TENM2: variants seen among roughly 807,000 people sequenced by gnomAD.
The protein encoded by TENM2 is teneurin transmembrane protein 2, also known as teneurin-2.
TENM2 carries 52 observed loss-of-function variants against 245.2 expected under a neutral mutation model. The observed-to-expected ratio is 0.21, with a 90% confidence interval of 0.17 to 0.27. The LOEUF (loss-of-function observed/expected upper bound fraction) is 0.27. TENM2 is among the 10% of genes least tolerant of loss of function. The probability of loss-of-function intolerance (pLI) is 1.00; values close to 1 mark genes in which losing one functional copy is unlikely to be tolerated. For missense variants in TENM2, 3,046 were observed against 3,666.8 expected (o/e 0.83, Z 4.37); for synonymous variants, 1,363 against 1,438.9 (o/e 0.95, Z 1.19).
At chr5:167,208,055 A>G in the TENM2 span, among the ~76,000 whole-genome samples, 8 of 152,186 alleles carry the variant, frequency 5.3e-5, no homozygotes, top group Admixed American at 5.2e-4. Context: ...CACCCGGCCT[A>G]CTGAGGTATA....
At chr5:168,080,037 T>C (rs1791839453) in intron 7 of TENM2, among the ~76,000 whole-genome samples, 1 of 152,240 alleles carries the variant, frequency 6.6e-6, no homozygotes, top group African/African-American at 2.4e-5. Flanking sequence ...CTGTTAGAAT[T>C]TGGCTGTGAA....
chr5:167,606,630 G>A (rs749501339), intron 2 of TENM2, among the ~76,000 whole-genome samples: 24 of 151,984 alleles, frequency 1.6e-4, no homozygotes, highest in Non-Finnish European at 2.9e-4. Context: ...TCCCAACCCC[G>A]ACTACACATT....
the TENM2 span, among the ~76,000 whole-genome samples, chr5:167,154,510 C>T: frequency 1.3e-5 from 2 of 152,108 alleles, no homozygotes; most frequent in Non-Finnish European, 2.9e-5. Context: ...AATGAAACAT[C>T]GTTGGGACAT....
At chr5:168,024,677 A>C (rs1786452233) in intron 5 of TENM2, among the ~76,000 whole-genome samples, 1 of 152,222 alleles carries the variant, frequency 6.6e-6, no homozygotes, top group African/African-American at 2.4e-5. Context: ...AGAAAAAAAT[A>C]GTTGATGCTA....
chr5:168,062,347 C>G, intron 7 of TENM2, 82 bp downstream of exon 9: 1 of 1,058,334 alleles, frequency 9.4e-7, no homozygotes, highest in Non-Finnish European at 1.4e-6. Flanking sequence ...CACTTCACAT[C>G]CACTACAATG....
chr5:167,801,823 G>A (rs937364155), intron 2 of TENM2, among the ~76,000 whole-genome samples: 14 of 152,054 alleles, frequency 9.2e-5, no homozygotes, highest in African/African-American at 3.1e-4. Flanking sequence ...CAGAGAATGG[G>A]TAATTCAGTT....
At chr5:168,009,323 A>G (rs907132959) in intron 5 of TENM2, among the ~76,000 whole-genome samples, 1 of 152,206 alleles carries the variant, frequency 6.6e-6, no homozygotes, top group Non-Finnish European at 1.5e-5. Flanking sequence ...GTTTGAAATT[A>G]TGATAAATCT....
At chr5:168,215,977 T>A (rs1406466644) in intron 21 of TENM2, among the ~76,000 whole-genome samples, 1 of 152,234 alleles carries the variant, frequency 6.6e-6, no homozygotes, top group East Asian at 1.9e-4. Context: ...AGAATGGGTA[T>A]AATTTCCAGG....
chr5:168,140,599 G>T (rs1755457665), intron 12 of TENM2, among the ~76,000 whole-genome samples: 1 of 152,138 alleles, frequency 6.6e-6, no homozygotes, highest in Non-Finnish European at 1.5e-5. Flanking sequence ...CGGTACATCT[G>T]CATCCATTAC....
chr5:167,228,249 C>G, the TENM2 span, among the ~76,000 whole-genome samples: 1 of 151,752 alleles, frequency 6.6e-6, no homozygotes, highest in East Asian at 2.0e-4. Context: ...AGGCTGGTCT[C>G]GAACTCCTGA....
chr5:167,271,163 G>A, the TENM2 span, among the ~76,000 whole-genome samples: 1 of 152,102 alleles, frequency 6.6e-6, no homozygotes, highest in African/African-American at 2.4e-5. Flanking sequence ...CAGGCTCATG[G>A]GCTTTCTCTG....
intron 2 of TENM2, among the ~76,000 whole-genome samples, chr5:167,822,098 T>A (rs1767578737): frequency 6.6e-6 from 1 of 152,060 alleles, no homozygotes; most frequent in Non-Finnish European, 1.5e-5. Context: ...AGGAATCTGT[T>A]TGGACACTTT....
intron 2 of TENM2, among the ~76,000 whole-genome samples, chr5:167,810,323 G>A (rs887412614): frequency 6.6e-6 from 1 of 152,038 alleles, no homozygotes; most frequent in African/African-American, 2.4e-5. Context: ...TGTTAGTGGC[G>A]CATACAGAAA....
At chr5:167,767,812 A>T (rs542650468) in intron 2 of TENM2, among the ~76,000 whole-genome samples, 43 of 152,330 alleles carry the variant, frequency 2.8e-4, no homozygotes, top group Admixed American at 9.8e-4. Context: ...TGTAGACCAC[A>T]CTTGTGGGGG....
chr5:168,027,187 G>A (rs1786702952), intron 5 of TENM2, among the ~76,000 whole-genome samples: 1 of 152,044 alleles, frequency 6.6e-6, no homozygotes, highest in Non-Finnish European at 1.5e-5. Flanking sequence ...CACCCACTGA[G>A]ACTTGACTCC....
At chr5:167,128,635 CT>C in the TENM2 span, among the ~76,000 whole-genome samples, 3 of 151,970 alleles carry the variant, frequency 2.0e-5, no homozygotes, top group African/African-American at 7.3e-5. Context: ...TCACTGAAGC[CT>C]TTGTGAAGTC....
At chr5:167,581,691 G>T (rs1159701031) in intron 2 of TENM2, among the ~76,000 whole-genome samples, 1 of 152,068 alleles carries the variant, frequency 6.6e-6, no homozygotes, top group South Asian at 2.1e-4. Context: ...ATAAAGGGGT[G>T]AATTCCTAAT....
intron 3 of TENM2, among the ~76,000 whole-genome samples, chr5:167,927,582 A>T (rs969346242): frequency 1.3e-5 from 2 of 152,154 alleles, no homozygotes; most frequent in Admixed American, 1.3e-4. Context: ...TGTGCTGCAC[A>T]TAGGGAGGGA....
chr5:167,053,743 A>AT, the TENM2 span, among the ~76,000 whole-genome samples: 5 of 151,990 alleles, frequency 3.3e-5, no homozygotes, highest in Admixed American at 2.0e-4. Flanking sequence ...GGAAGTATTG[A>AT]TTTTTTCCAT....
Sources: gnomAD v4.1 joint callset for allele counts (sites outside exome capture counted in the v4.1 genomes callset) on GRCh38, gnomAD v4.1.1 for gene constraint, MANE v1.5 for transcripts, NCBI Gene and HGNC (gene_info 2026-07-23, HGNC 2026-07-21) for gene names.